The following DUSP29 variants were observed in gnomAD, a reference collection of about 807,000 sequenced individuals.
The protein encoded by DUSP29 is atypical dual-specific protein phosphatase.
DUSP29 carries 12 observed loss-of-function variants against 13.5 expected under a neutral mutation model. The ratio of observed to expected loss-of-function variants is 0.89; its 90% CI spans 0.57 to 1.44. The LOEUF (loss-of-function observed/expected upper bound fraction) is 1.44. Among genes scored for constraint, DUSP29 ranks in the 40% most tolerant of loss-of-function variants. The pLI, the probability that DUSP29 is intolerant of heterozygous loss-of-function variation, is 0.00. For missense variants in DUSP29, 308 were observed against 301.1 expected (o/e 1.02, Z -0.17); for synonymous variants, 134 against 128.7 (o/e 1.04, Z -0.28).
At chr10:75,060,594 A>G (rs1457652412) in intron 1 of DUSP29, among the ~76,000 whole-genome samples, 1 of 152,240 alleles carries the variant, frequency 6.6e-6, no homozygotes, top group Non-Finnish European at 1.5e-5. Context: ...CTCTTTTACA[A>G]ACTATATACT....
chr10:75,067,521 T>TGAG, intron 1 of DUSP29, among the ~76,000 whole-genome samples: 1 of 152,118 alleles, frequency 6.6e-6, no homozygotes, highest in East Asian at 1.9e-4. Flanking sequence ...CGAGAAGGAA[T>TGAG]GAGGAGTGGC....
At chr10:75,055,251 T>C (rs144562496) in intron 2 of DUSP29, among the ~76,000 whole-genome samples, 1 of 152,284 alleles carries the variant, frequency 6.6e-6, no homozygotes, top group East Asian at 1.9e-4. Context: ...AACAGTGTTA[T>C]AATAAGCATC....
intron 1 of DUSP29, among the ~76,000 whole-genome samples, chr10:75,064,369 G>A (rs1847151687): frequency 6.6e-6 from 1 of 152,182 alleles, no homozygotes; most frequent in Non-Finnish European, 1.5e-5. Flanking sequence ...TTAGCTGGGT[G>A]TGGTGGCGCA....
intron 1 of DUSP29, among the ~76,000 whole-genome samples, chr10:75,070,125 GGAAGGAAGGAAGGAAA>G (rs1213221654): frequency 1.0e-4 from 9 of 88,226 alleles, no homozygotes; most frequent in African/African-American, 3.3e-4. Flanking sequence ...AAGGAAGGAA[GGAAGGAAGGAAGGAAA>G]AGAAAGAAAC....
At chr10:75,054,105 C>T (rs918526531) in intron 2 of DUSP29, among the ~76,000 whole-genome samples, 1 of 152,120 alleles carries the variant, frequency 6.6e-6, no homozygotes, top group Non-Finnish European at 1.5e-5. Flanking sequence ...AGCTTCATGG[C>T]AGAAGTGACT....
At chr10:75,065,552 CT>C (rs769793549) in intron 1 of DUSP29, among the ~76,000 whole-genome samples, 116 of 152,120 alleles carry the variant, frequency 7.6e-4, no homozygotes, top group Non-Finnish European at 9.7e-4. Context: ...TGGTCTCAAA[CT>C]TCTGACCTCA....
intron 2 of DUSP29, among the ~76,000 whole-genome samples, chr10:75,051,340 G>A (rs1846824292): frequency 6.6e-6 from 1 of 152,216 alleles, no homozygotes; most frequent in African/African-American, 2.4e-5. Context: ...GGCACCGTGA[G>A]ACATGTTTTG....
chr10:75,066,862 C>T (rs1847214700), intron 1 of DUSP29, among the ~76,000 whole-genome samples: 1 of 152,186 alleles, frequency 6.6e-6, no homozygotes, highest in Admixed American at 6.5e-5. Flanking sequence ...GTCAGAAGGT[C>T]ATCCTAGCCG....
chr10:75,044,754 C>G (rs545226710), intron 2 of DUSP29, among the ~76,000 whole-genome samples: 1 of 152,262 alleles, frequency 6.6e-6, no homozygotes, highest in East Asian at 1.9e-4. Context: ...AAATATGACT[C>G]GATGAGAAGG....
At chr10:75,067,592 C>G (rs1422891286) in intron 1 of DUSP29, among the ~76,000 whole-genome samples, 1 of 152,120 alleles carries the variant, frequency 6.6e-6, no homozygotes, top group Non-Finnish European at 1.5e-5. Context: ...AAAGCTTTAC[C>G]GTGTATGCCC....
intron 1 of DUSP29, among the ~76,000 whole-genome samples, chr10:75,064,462 C>T (rs1183853008): frequency 2.0e-5 from 3 of 152,146 alleles, no homozygotes; most frequent in Admixed American, 1.3e-4. Context: ...GAACCGAGAT[C>T]GCGCCACTGC....
chr10:75,059,604 G>A (rs575047413), intron 1 of DUSP29, among the ~76,000 whole-genome samples: 64 of 152,206 alleles, frequency 4.2e-4, no homozygotes, highest in Admixed American at 7.9e-4. Context: ...TACAGATAAG[G>A]AGGATCATGA....
intron 1 of DUSP29, among the ~76,000 whole-genome samples, chr10:75,063,540 AC>A (rs1032190558): frequency 1.1e-4 from 16 of 152,046 alleles, no homozygotes; most frequent in African/African-American, 3.4e-4. Flanking sequence ...CACTTCCTCA[AC>A]CCTGAGTGGA....
chr10:75,039,495 G>A lies in DUSP29; in HGVS notation c.422-1418C>T, dbSNP rs367844114. Among the ~76,000 whole-genome samples the A allele has an allele frequency of 3.3e-4, 50 of 152,250 alleles. 1 individual carries two copies. The South Asian group carries it at 9.1e-3, about 28-fold the overall frequency. The stretch of plus-strand genomic sequence containing the variant: ...CGCGCCACTACACTCCAGCCGGGGC[G>A]ACAGAGCAAGACTGCATCTCAAGAA... On this transcript the variant is annotated intron_variant, in intron 3 of 3. Transcript: ENST00000338487.
chr10:75,045,488 A>C (rs1846687607), intron 2 of DUSP29, among the ~76,000 whole-genome samples: 1 of 152,254 alleles, frequency 6.6e-6, no homozygotes, highest in Admixed American at 6.5e-5. Flanking sequence ...CTAAAACTTC[A>C]TGACATGATA....
At chr10:75,067,944 C>T (rs1418854271) in intron 1 of DUSP29, among the ~76,000 whole-genome samples, 1 of 152,118 alleles carries the variant, frequency 6.6e-6, no homozygotes, top group African/African-American at 2.4e-5. Context: ...TCCAGGGTAG[C>T]TGGGATTACA....
chr10:75,062,684 C>G (rs1847116797), intron 1 of DUSP29, among the ~76,000 whole-genome samples: 1 of 152,188 alleles, frequency 6.6e-6, no homozygotes, highest in African/African-American at 2.4e-5. Flanking sequence ...CTGCATGGCT[C>G]CCAACTCTCT....
intron 1 of DUSP29, among the ~76,000 whole-genome samples, chr10:75,070,910 A>G (rs934683698): frequency 2.0e-5 from 3 of 152,210 alleles, no homozygotes; most frequent in Non-Finnish European, 4.4e-5. Context: ...AGATTAAAAC[A>G]CCATCTGCTC....
intron 1 of DUSP29, among the ~76,000 whole-genome samples, chr10:75,061,640 T>C (rs536575089): frequency 4.1e-4 from 63 of 152,106 alleles, no homozygotes; most frequent in African/African-American, 1.5e-3. Context: ...AAGGGAAAGG[T>C]AGTGAGGGTG....
Sources: gnomAD v4.1 joint callset for allele counts (sites outside exome capture counted in the v4.1 genomes callset) on GRCh38, gnomAD v4.1.1 for gene constraint, MANE v1.5 for transcripts, NCBI Gene and HGNC (gene_info 2026-07-23, HGNC 2026-07-21) for gene names.